ADAMTS16: variants seen among roughly 807,000 people sequenced by gnomAD.
The protein encoded by ADAMTS16 is A disintegrin and metalloproteinase with thrombospondin motifs 16.
ADAMTS16 carries 94 observed loss-of-function variants against 145.8 expected under a neutral mutation model. The ratio of observed to expected loss-of-function variants is 0.64; its 90% CI spans 0.55 to 0.77. The LOEUF (loss-of-function observed/expected upper bound fraction) is 0.77, where lower values mean the gene tolerates loss of function less well. Ranked by LOEUF, ADAMTS16 falls within the 30% of genes least tolerant of loss-of-function variation. The probability of loss-of-function intolerance (pLI) is 0.00; values close to 1 mark genes in which losing one functional copy is unlikely to be tolerated. For missense variants in ADAMTS16, 1,585 were observed against 1,591.5 expected, an observed-to-expected ratio of 1.00 and a Z score of 0.07; for synonymous variants, 659 against 604.3, an observed-to-expected ratio of 1.09 and a Z score of -1.33.
intron 18 of ADAMTS16, among the ~76,000 whole-genome samples, chr5:5,285,550 A>G (rs1739073618): frequency 6.6e-6 from 1 of 152,254 alleles, no homozygotes; most frequent in Non-Finnish European, 1.5e-5. Context: ...AATGTGCACA[A>G]TAATCAAAGC....
intron 18 of ADAMTS16, among the ~76,000 whole-genome samples, chr5:5,273,224 C>T (rs1738547316): frequency 6.6e-6 from 1 of 152,224 alleles, no homozygotes; most frequent in Admixed American, 6.5e-5. Context: ...AGTGCTATGG[C>T]CCCTCCAGAA....
chr5:5,235,352 C>A (rs1400451555), intron 13 of ADAMTS16, among the ~76,000 whole-genome samples, 166 bp downstream of exon 13: 2 of 152,188 alleles, frequency 1.3e-5, no homozygotes, highest in Non-Finnish European at 2.9e-5. Flanking sequence ...CCAGCCCCAC[C>A]ATCACGACCT....
chr5:5,254,718 A>T (rs77138282), intron 17 of ADAMTS16, among the ~76,000 whole-genome samples: 2,147 of 152,266 alleles, frequency 0.014, 43 homozygotes, highest in East Asian at 0.068. Context: ...ACATTGAACC[A>T]TCCTTACATT....
chr5:5,205,084 AT>A (rs1209634313), intron 9 of ADAMTS16, among the ~76,000 whole-genome samples: 2 of 146,752 alleles, frequency 1.4e-5, no homozygotes, highest in African/African-American at 5.1e-5. Context: ...TGTAAAAAAA[AT>A]AGACCCTGTT....
intron 17 of ADAMTS16, among the ~76,000 whole-genome samples, chr5:5,260,340 CT>C (rs1737969213): frequency 6.6e-6 from 1 of 151,750 alleles, no homozygotes; most frequent in Non-Finnish European, 1.5e-5. Flanking sequence ...TAGAAATATT[CT>C]TCTTCAAGAG....
chr5:5,250,060 G>A (rs1156417257), intron 17 of ADAMTS16, among the ~76,000 whole-genome samples: 4 of 152,156 alleles, frequency 2.6e-5, no homozygotes, highest in African/African-American at 9.7e-5. Flanking sequence ...CCGTGTATGT[G>A]TGTGTCCACT....
chr5:5,261,270 C>T (rs943066579), intron 17 of ADAMTS16, among the ~76,000 whole-genome samples: 2 of 151,702 alleles, frequency 1.3e-5, no homozygotes, highest in African/African-American at 2.4e-5. Context: ...CCTGAGTACG[C>T]GGGACTACAG....
At position 5,225,389 on chromosome 5, in the gene ADAMTS16, G is replaced by A. The variant is rs184913147; in HGVS notation, c.1701+2505G>A. Among the ~76,000 whole-genome samples, 24 of 152,240 alleles carry A rather than the reference G, an allele frequency of 1.6e-4. No individual in the cohort carries two copies. In the East Asian group the frequency reaches 4.5e-3, roughly 28 times the overall value. On this transcript the variant is annotated intron_variant, in intron 11 of 22. Transcript: ENST00000274181. ...AGCTGAGGTGGGCAGATCACGACGA[G>A]GTCAAGAGATCGAGACCATCCTGGC...
chr5:5,196,883 T>C (rs916611248), intron 8 of ADAMTS16, among the ~76,000 whole-genome samples: 1 of 152,298 alleles, frequency 6.6e-6, no homozygotes, highest in African/African-American at 2.4e-5. Flanking sequence ...AAGCAGCTTG[T>C]GAATGACAGA....
intron 8 of ADAMTS16, among the ~76,000 whole-genome samples, chr5:5,195,478 C>T (rs1735777139): frequency 6.6e-6 from 1 of 152,144 alleles, no homozygotes; most frequent in African/African-American, 2.4e-5. Flanking sequence ...TGATAGTGAC[C>T]AGGGAGGGTG....
intron 18 of ADAMTS16, among the ~76,000 whole-genome samples, chr5:5,276,309 G>T (rs1738693624): frequency 6.6e-6 from 1 of 151,986 alleles, no homozygotes; most frequent in Non-Finnish European, 1.5e-5. Context: ...CATTTCTAAC[G>T]AATCTGTAGA....
rs1000835629 is a variant in ADAMTS16, at chr5:5,290,939, G to A, written c.2790-12329G>A. ...GCTCTTCGGGCGTCACTGAGATGGC[G>A]TTCACTTTCTTTTCGTTAGGTATAA... On this transcript the variant is annotated intron_variant, in intron 18 of 22. Transcript: ENST00000274181. 5.9e-5 allele frequency among the ~76,000 whole-genome samples: 9 copies of A among 152,098 alleles called. No homozygotes were observed. The South Asian group carries it at 6.2e-4, about 11-fold the overall frequency.
chr5:5,146,153 G>A lies in ADAMTS16; in HGVS notation c.199G>A (p.Glu67Lys), dbSNP rs1734287165. The change falls in exon 3 of 23, where the codon GAG becomes AAG. Residue 67 changes from glutamate (E) to lysine (K), a missense_variant. Around this residue, in one of 3 missense-constraint regions of ADAMTS16, gnomAD observed 453 missense variants for 412.1 expected, o/e 1.10. Coordinates refer to ENST00000274181, the MANE Select transcript of ADAMTS16 (RefSeq NM_139056.4). ...AGAATATGACCTGGTCTCTGCCTACGAGGTTGACCACAGGGGCGATTACGT... is the reference window on the plus strand; with the variant it reads ...AGAATATGACCTGGTCTCTGCCTACAAGGTTGACCACAGGGGCGATTACGT... ...KGEYDLVSAYEVDHRGDYVSH... is the reference protein window; with the variant it reads ...KGEYDLVSAYKVDHRGDYVSH... 1 of 1,613,932 alleles carries A rather than the reference G, an allele frequency of 6.2e-7. No homozygotes were observed. The highest frequency in any genetic ancestry group is 8.5e-7 in the Non-Finnish European group (1 of 1,179,872).
intron 10 of ADAMTS16, among the ~76,000 whole-genome samples, chr5:5,214,207 A>G (rs1372654429): frequency 1.3e-5 from 2 of 152,184 alleles, no homozygotes; most frequent in Non-Finnish European, 2.9e-5. Context: ...ATAACTTCAT[A>G]GTTTTGTGGC....
At chr5:5,282,138 C>T (rs565232816) in intron 18 of ADAMTS16, among the ~76,000 whole-genome samples, 123 of 152,134 alleles carry the variant, frequency 8.1e-4, no homozygotes, top group South Asian at 2.1e-3. Flanking sequence ...ATAACTGTCA[C>T]GCTCTGGGTA....
chr5:5,275,886 C>T (rs1006613382), intron 18 of ADAMTS16, among the ~76,000 whole-genome samples: 9 of 149,190 alleles, frequency 6.0e-5, no homozygotes, highest in East Asian at 2.0e-4. Flanking sequence ...TTTAAGACGG[C>T]GTCGTACTCT....
intron 8 of ADAMTS16, 106 bp from the exon 9 acceptor site, chr5:5,200,026 G>C: frequency 3.8e-6 from 5 of 1,324,798 alleles, no homozygotes; most frequent in Admixed American, 2.5e-5. Context: ...TAGCATATAG[G>C]GGTGAGGGAG....
At chr5:5,196,945 A>G (rs1735822341) in intron 8 of ADAMTS16, among the ~76,000 whole-genome samples, 1 of 152,052 alleles carries the variant, frequency 6.6e-6, no homozygotes, top group Non-Finnish European at 1.5e-5. Flanking sequence ...GCTGTCTCCC[A>G]TTTTCTTCTC....
chr5:5,298,873 T>C (rs1357343078), intron 18 of ADAMTS16, among the ~76,000 whole-genome samples: 1 of 152,226 alleles, frequency 6.6e-6, no homozygotes, highest in Non-Finnish European at 1.5e-5. Context: ...TATCTGGGTA[T>C]AGTCAGTGAC....
Sources: gnomAD v4.1 joint callset for allele counts (sites outside exome capture counted in the v4.1 genomes callset) on GRCh38, gnomAD v4.1.1 for gene constraint, gnomAD v4.1.1 regional missense constraint, MANE v1.5 for transcripts, NCBI Gene and HGNC (gene_info 2026-07-23, HGNC 2026-07-21) for gene names.